The following THEMIS variants were observed in gnomAD, a reference collection of about 807,000 sequenced individuals.
The protein encoded by THEMIS is thymocyte selection associated, also known as protein THEMIS.
Under a neutral mutation model 52.6 loss-of-function variants are expected in THEMIS, and 37 were observed. The ratio of observed to expected loss-of-function variants is 0.70; its 90% CI spans 0.54 to 0.93. The LOEUF (loss-of-function observed/expected upper bound fraction) is 0.93. Among genes scored for constraint, THEMIS ranks in the 40% least tolerant of loss-of-function variants. The pLI, the probability that THEMIS is intolerant of heterozygous loss-of-function variation, is 0.00. For missense variants in THEMIS, 808 were observed against 763.1 expected, an observed-to-expected ratio of 1.06 and a Z score of -0.69; for synonymous variants, 292 against 272.7, an observed-to-expected ratio of 1.07 and a Z score of -0.70.
intron 1 of THEMIS, among the ~76,000 whole-genome samples, chr6:127,911,768 C>T (rs1016503559): frequency 4.6e-5 from 7 of 151,350 alleles, no homozygotes; most frequent in South Asian, 2.1e-4. Context: ...AGAAGTTTAC[C>T]GTGGAGGCAG....
chr6:127,732,212 G>GT (rs899619076), intron 4 of THEMIS, among the ~76,000 whole-genome samples: 2 of 151,780 alleles, frequency 1.3e-5, no homozygotes, highest in Non-Finnish European at 2.9e-5. Context: ...ACATGGCGAA[G>GT]TTTTTTGTCA....
intron 1 of THEMIS, among the ~76,000 whole-genome samples, chr6:127,889,938 C>T (rs554934270): frequency 2.0e-5 from 3 of 152,202 alleles, no homozygotes; most frequent in African/African-American, 7.2e-5. Flanking sequence ...TTAAAGATTG[C>T]AGGCCCTATC....
At chr6:127,728,788 A>G (rs933966189) in intron 4 of THEMIS, among the ~76,000 whole-genome samples, 1 of 152,138 alleles carries the variant, frequency 6.6e-6, no homozygotes, top group Non-Finnish European at 1.5e-5. Flanking sequence ...ACATAGAATG[A>G]GTTCAATGGA....
chr6:127,804,699 G>A (rs964046108), intron 4 of THEMIS, among the ~76,000 whole-genome samples: 2 of 152,140 alleles, frequency 1.3e-5, no homozygotes, highest in African/African-American at 4.8e-5. Context: ...CAGAACCAAT[G>A]AAGAGAATAG....
At chr6:127,700,021 AC>A in the THEMIS span, among the ~76,000 whole-genome samples, 1 of 151,832 alleles carries the variant, frequency 6.6e-6, no homozygotes, top group Non-Finnish European at 1.5e-5. Context: ...AAGATAAACC[AC>A]CGATCAAGTA....
At chr6:127,724,667 T>G (rs1198112952) in intron 4 of THEMIS, among the ~76,000 whole-genome samples, 1 of 152,130 alleles carries the variant, frequency 6.6e-6, no homozygotes, top group African/African-American at 2.4e-5. Flanking sequence ...CAATCCTGTC[T>G]GCTAATTTGA....
At chr6:127,727,810 T>C (rs1774604066) in intron 4 of THEMIS, among the ~76,000 whole-genome samples, 2 of 152,246 alleles carry the variant, frequency 1.3e-5, no homozygotes, top group Middle Eastern at 3.4e-3. Flanking sequence ...CCACATAGGA[T>C]GTGGTCCTTG....
intron 4 of THEMIS, among the ~76,000 whole-genome samples, chr6:127,791,560 C>T (rs185203531): frequency 1.3e-4 from 20 of 152,244 alleles, no homozygotes; most frequent in Non-Finnish European, 2.2e-4. Context: ...GGCAGCCCTC[C>T]GGCAGGCTTC....
intron 1 of THEMIS, among the ~76,000 whole-genome samples, chr6:127,913,777 A>G (rs574843752): frequency 6.6e-6 from 1 of 152,226 alleles, no homozygotes. Context: ...TTTACAGCTC[A>G]TGCATTAGAA....
At chr6:127,710,054 A>G (rs369861213) in intron 5 of THEMIS, 38 bp from the exon 6 acceptor site, 47 of 1,435,748 alleles carry the variant, frequency 3.3e-5, no homozygotes, top group Non-Finnish European at 4.5e-5. Flanking sequence ...AGAAATAAGT[A>G]TTGAAAATAA....
At chr6:127,835,430 C>T (rs1778844067) in intron 2 of THEMIS, among the ~76,000 whole-genome samples, 1 of 152,090 alleles carries the variant, frequency 6.6e-6, no homozygotes, top group African/African-American at 2.4e-5. Flanking sequence ...TTTCATTTTT[C>T]ATAAAATGAG....
At chr6:127,786,692 G>C (rs1237192797) in intron 4 of THEMIS, among the ~76,000 whole-genome samples, 1 of 152,124 alleles carries the variant, frequency 6.6e-6, no homozygotes, top group South Asian at 2.1e-4. Flanking sequence ...GAAATGGCAG[G>C]CTAAGGACTT....
At chr6:127,855,659 G>T in intron 1 of THEMIS, among the ~76,000 whole-genome samples, 1 of 151,880 alleles carries the variant, frequency 6.6e-6, no homozygotes, top group Middle Eastern at 3.2e-3. Context: ...ATTAGATCTG[G>T]TTCTCTTCAT....
chr6:127,748,707 A>G (rs969607356), intron 4 of THEMIS, among the ~76,000 whole-genome samples: 2 of 152,054 alleles, frequency 1.3e-5, no homozygotes, highest in East Asian at 1.9e-4. Context: ...GGGAATCAAA[A>G]AACAAGACTT....
At chr6:127,840,947 A>G (rs1252762330) in intron 2 of THEMIS, among the ~76,000 whole-genome samples, 1 of 152,078 alleles carries the variant, frequency 6.6e-6, no homozygotes, top group East Asian at 1.9e-4. Flanking sequence ...ATTAGAGGAG[A>G]GAGGGGAATG....
intron 5 of THEMIS, among the ~76,000 whole-genome samples, chr6:127,715,033 T>C (rs1774110585): frequency 6.6e-6 from 1 of 151,932 alleles, no homozygotes; most frequent in African/African-American, 2.4e-5. Flanking sequence ...TAGGAAATGA[T>C]ATTTCAGAAT....
At chr6:127,799,857 C>A (rs1049442365) in intron 4 of THEMIS, among the ~76,000 whole-genome samples, 1 of 152,046 alleles carries the variant, frequency 6.6e-6, no homozygotes, top group African/African-American at 2.4e-5. Flanking sequence ...GAAGAAGGAG[C>A]CAATTGAGGA....
At chr6:127,828,269 C>T (rs1778576734) in intron 3 of THEMIS, among the ~76,000 whole-genome samples, 2 of 152,044 alleles carry the variant, frequency 1.3e-5, no homozygotes, top group African/African-American at 4.8e-5. Flanking sequence ...AAAATACTAT[C>T]TATTATTTAT....
chr6:127,851,202 G>A (rs1324729586), intron 2 of THEMIS, among the ~76,000 whole-genome samples: 1 of 151,482 alleles, frequency 6.6e-6, no homozygotes, highest in Non-Finnish European at 1.5e-5. Context: ...TAAAAGGAGA[G>A]CAGAGAGAGA....
Sources: allele counts gnomAD v4.1 joint callset (sites outside exome capture counted in the v4.1 genomes callset), GRCh38; gene constraint gnomAD v4.1.1; transcripts MANE v1.5; gene names NCBI Gene and HGNC (gene_info 2026-07-23, HGNC 2026-07-21).